MAP4K3: variants seen among roughly 807,000 people sequenced by gnomAD.
MAP4K3 encodes mitogen-activated protein kinase kinase kinase kinase 3.
A neutral mutation model predicts 143.5 loss-of-function variants in MAP4K3; 94 were observed. The ratio of observed to expected loss-of-function variants is 0.65; its 90% CI spans 0.55 to 0.78. The LOEUF is 0.78. MAP4K3 is among the 30% of genes least tolerant of loss of function. The probability of loss-of-function intolerance (pLI) is 0.00; values close to 1 mark genes in which losing one functional copy is unlikely to be tolerated. For missense variants in MAP4K3, 1,077 were observed against 1,068.1 expected (o/e 1.01, Z -0.12); for synonymous variants, 416 against 347.2 (o/e 1.20, Z -2.20).
chr2:39,405,173 A>C (rs13028561), intron 1 of MAP4K3, among the ~76,000 whole-genome samples: 145,854 of 152,268 alleles, frequency 0.96, 70,198 homozygotes, highest in East Asian at 1. Context: ...TACGGGTGGC[A>C]ACAGAGGACC....
At chr2:39,336,086 C>G (rs1039747526) in intron 6 of MAP4K3, among the ~76,000 whole-genome samples, 6 of 152,086 alleles carry the variant, frequency 3.9e-5, no homozygotes, top group African/African-American at 1.4e-4. Flanking sequence ...TAGAAATATG[C>G]TAAGGATTCC....
intron 12 of MAP4K3, among the ~76,000 whole-genome samples, chr2:39,315,701 T>G (rs1366100019): frequency 6.6e-6 from 1 of 152,188 alleles, no homozygotes; most frequent in African/African-American, 2.4e-5. Context: ...CAGACTTGTC[T>G]AGATCCATTC....
chr2:39,326,120 A>C (rs1352497596), intron 9 of MAP4K3, 26 bp downstream of exon 9: 1 of 1,602,376 alleles, frequency 6.2e-7, no homozygotes, highest in Non-Finnish European at 8.5e-7. Flanking sequence ...CTTAAGCGTA[A>C]GATTCTTCAA....
chr2:39,396,454 A>G lies in MAP4K3; in HGVS notation c.97-18331T>C, dbSNP rs149180809. ...CTACCAATATCTTTTACTCAAGACA[A>G]TGTGCTTTAACTTCAAGCCCCCAAT... On this transcript the variant is annotated intron_variant, in intron 1 of 33. Transcript: ENST00000263881. 2.8e-3 allele frequency among the ~76,000 whole-genome samples: 426 copies of G among 151,740 alleles called. 1 individual carries two copies. The highest frequency in any genetic ancestry group is 9.9e-3 in the African/African-American group (408 of 41,382).
Position 39,272,470 on chromosome 2 carries a change from T to A in MAP4K3, c.1855+12A>T. 1 of 1,608,430 alleles carries A rather than the reference T, an allele frequency of 6.2e-7. No homozygotes were observed. The highest frequency in any genetic ancestry group is 1.1e-5 in the South Asian group (1 of 90,908). On this transcript the variant is annotated intron_variant, in intron 25 of 33. Transcript: ENST00000263881. ...TAACAATTGTAAGGTATTTAAAAACTAATATACTTACCAGATATTGATAGC... is the reference window on the plus strand; with the variant it reads ...TAACAATTGTAAGGTATTTAAAAACAAATATACTTACCAGATATTGATAGC...
chr2:39,391,048 A>T (rs1048946218), intron 1 of MAP4K3, among the ~76,000 whole-genome samples: 51 of 152,264 alleles, frequency 3.3e-4, no homozygotes, highest in African/African-American at 1.2e-3. Flanking sequence ...GTTATTGGTT[A>T]AGTATTAGAA....
intron 26 of MAP4K3, among the ~76,000 whole-genome samples, chr2:39,268,634 A>ATTTTTTTCTTTTTTTT (rs1680878175): frequency 1.4e-5 from 1 of 73,772 alleles, no homozygotes; most frequent in Non-Finnish European, 2.4e-5. Context: ...GATTTTTTCT[A>ATTTTTTTCTTTTTTTT]TTTTTTTTTT....
rs56011585 is a variant in MAP4K3 at position 39,386,820 on chromosome 2, C to CTTTTTTTTT, written c.97-8706_97-8698dup. Reference sequence around the variant, plus strand: ...GATTAGTGTAATTTTTTTTGTTGTTCTTTTTTTTTTTTTGAGACGGAGTCT... The same window carrying CTTTTTTTTT: ...GATTAGTGTAATTTTTTTTGTTGTTCTTTTTTTTTTTTTTTTTTTTTTGAGACGGAGTCT... On this transcript the variant is annotated intron_variant, in intron 1 of 33. Coordinates refer to ENST00000263881, the MANE Select transcript of MAP4K3 (RefSeq NM_003618.4). Among the ~76,000 whole-genome samples the CTTTTTTTTT allele has an allele frequency of 7.8e-4, 109 of 139,118 alleles. 3 individuals are homozygous for CTTTTTTTTT. Among genetic ancestry groups the CTTTTTTTTT allele is most frequent in the African/African-American group, 2.6e-3 (96 of 36,320 alleles). The allele number at this position is 139,118 out of a possible 152,430, so 91.3% of individuals were successfully genotyped here.
intron 26 of MAP4K3, among the ~76,000 whole-genome samples, chr2:39,268,605 G>T (rs1007409799): frequency 1.4e-5 from 2 of 145,298 alleles, no homozygotes; most frequent in Non-Finnish European, 3.0e-5. Flanking sequence ...ACAGGTGTGA[G>T]CCACTGTGCC....
intron 2 of MAP4K3, among the ~76,000 whole-genome samples, chr2:39,368,699 A>G (rs1039034701): frequency 6.6e-6 from 1 of 152,078 alleles, no homozygotes; most frequent in Non-Finnish European, 1.5e-5. Context: ...AATCCCAAAA[A>G]AGAAAAAAAG....
chr2:39,343,534 G>T, intron 3 of MAP4K3, 82 bp from the exon 4 acceptor site: 2 of 1,077,286 alleles, frequency 1.9e-6, no homozygotes, highest in Non-Finnish European at 2.8e-6. Context: ...AAGGTTGTAA[G>T]CTGTAACACT....
rs1232729295 is a variant in MAP4K3, at chr2:39,336,986, G to C, written c.367-19C>G. Reference sequence around the variant, plus strand: ...ATAATCCCTGGAGTTTCAAAAAACAGAAAAATAAACAAGATTTTATCAAAG... The same window carrying C: ...ATAATCCCTGGAGTTTCAAAAAACACAAAAATAAACAAGATTTTATCAAAG... On this transcript the variant is annotated intron_variant, in intron 5 of 33. Transcript: ENST00000263881. 2.4e-6 allele frequency: 3 copies of C among 1,269,512 alleles called. No individual in the cohort carries two copies. The highest frequency in any genetic ancestry group is 3.3e-6 in the Non-Finnish European group (3 of 900,212). 78.6% of individuals were successfully genotyped at this position (1,269,512 alleles called of 1,614,324 possible). A position where few individuals can be genotyped will look rare whatever the true frequency, so the allele number is the denominator to read the frequency against.
At chr2:39,409,371 G>A (rs937042075) in intron 1 of MAP4K3, among the ~76,000 whole-genome samples, 4 of 152,188 alleles carry the variant, frequency 2.6e-5, no homozygotes, top group African/African-American at 9.7e-5. Context: ...TACATGGGGG[G>A]CTGGCTCCCC....
chr2:39,270,208 T>C (rs10490306), intron 26 of MAP4K3, among the ~76,000 whole-genome samples: 12,378 of 152,246 alleles, frequency 0.081, 1,706 homozygotes, highest in African/African-American at 0.28. Flanking sequence ...CTATTAAGTA[T>C]GGCTGTGAAT....
intron 3 of MAP4K3, among the ~76,000 whole-genome samples, chr2:39,349,900 A>G (rs1030135304): frequency 1.3e-5 from 2 of 152,216 alleles, no homozygotes; most frequent in Non-Finnish European, 2.9e-5. Context: ...ATCTATAGAA[A>G]ATATCCTAGC....
intron 1 of MAP4K3, among the ~76,000 whole-genome samples, chr2:39,420,813 A>G (rs181249316): frequency 1.3e-5 from 2 of 152,208 alleles, no homozygotes; most frequent in Non-Finnish European, 2.9e-5. Context: ...CACTCCCATC[A>G]TTGAAGAATT....
intron 19 of MAP4K3, 58 bp downstream of exon 19, chr2:39,290,234 T>C (rs1681981799): frequency 1.6e-6 from 2 of 1,276,480 alleles, no homozygotes; most frequent in African/African-American, 1.5e-5. Flanking sequence ...CTCAACAAAG[T>C]ATTAAATTGG....
intron 1 of MAP4K3, among the ~76,000 whole-genome samples, chr2:39,402,025 T>C (rs1469349557): frequency 1.3e-5 from 2 of 151,954 alleles, no homozygotes; most frequent in East Asian, 3.9e-4. Flanking sequence ...ACAGAATTAG[T>C]AGAAACATTA....
chr2:39,294,685 C>T (rs1682195143), intron 16 of MAP4K3, among the ~76,000 whole-genome samples: 1 of 152,208 alleles, frequency 6.6e-6, no homozygotes, highest in African/African-American at 2.4e-5. Context: ...TTCAAAGTGG[C>T]TGTCAGAAGG....
Sources: gnomAD v4.1 joint callset for allele counts (sites outside exome capture counted in the v4.1 genomes callset) on GRCh38, gnomAD v4.1.1 for gene constraint, MANE v1.5 for transcripts, NCBI Gene and HGNC (gene_info 2026-07-23, HGNC 2026-07-21) for gene names.